The following POM121 variants were observed in gnomAD, a reference collection of about 807,000 sequenced individuals.
POM121 encodes the protein POM121 transmembrane nucleoporin.
Under a neutral mutation model 81.3 loss-of-function variants are expected in POM121, and 32 were observed. That is an observed-to-expected ratio of 0.39 (90% CI 0.30 to 0.53). The LOEUF is 0.53. Among genes scored for constraint, POM121 ranks in the 20% least tolerant of loss-of-function variants. POM121 has a pLI of 0.66. For missense variants in POM121, 1,138 were observed against 1,614.6 expected (o/e 0.70, Z 5.06); for synonymous variants, 514 against 694.2 (o/e 0.74, Z 4.08).
chr7:72,922,912 C>A (rs537368799), upstream of POM121, among the ~76,000 whole-genome samples: 13 of 152,114 alleles, frequency 8.5e-5, no homozygotes, highest in South Asian at 1.9e-3. Context: ...CAGCCACACA[C>A]AATAGTTTAA....
chr7:72,918,003 A>AC (rs1794451427), intron 4 of POM121, among the ~76,000 whole-genome samples: 1 of 152,186 alleles, frequency 6.6e-6, no homozygotes, highest in Non-Finnish European at 1.5e-5. Flanking sequence ...AAAGAGAAAG[A>AC]TAGCTTACGC....
intron 1 of POM121, among the ~76,000 whole-genome samples, chr7:72,890,342 G>C (rs1791181579): frequency 6.6e-6 from 1 of 152,140 alleles, no homozygotes; most frequent in African/African-American, 2.4e-5. Context: ...CTCCTTATTA[G>C]GTTGTCTGCT....
At chr7:72,918,884 A>G (rs1554495503) in intron 4 of POM121, among the ~76,000 whole-genome samples, 1 of 151,690 alleles carries the variant, frequency 6.6e-6, no homozygotes. Flanking sequence ...TGCAACCTCC[A>G]CCTTCCGGGT....
chr7:72,939,747 T>C lies in POM121; in HGVS notation c.1442-100T>C, dbSNP rs1194763193. ...ATAGAAGATTGAATCTTTTCAGAGATACCCATTGAAAACTCAATGTGAAAT... is the reference window on the plus strand; with the variant it reads ...ATAGAAGATTGAATCTTTTCAGAGACACCCATTGAAAACTCAATGTGAAAT... On this transcript the variant is annotated intron_variant, in intron 7 of 12. Coordinates refer to ENST00000434423, the MANE Select transcript of POM121 (RefSeq NM_001387691.1). The C allele has an allele frequency of 2.1e-5, 34 of 1,609,236 alleles. No homozygotes were observed. In the Admixed American group the frequency reaches 4.3e-4, roughly 21 times the overall value.
Position 72,946,187 on chromosome 7 carries a change from G to A in POM121, c.3703G>A (p.Ala1235Thr). 2.5e-6 allele frequency: 4 copies of A among 1,611,788 alleles called. No homozygotes were observed. The highest frequency in any genetic ancestry group is 2.2e-5 in the East Asian group (1 of 44,842). The change falls in exon 13 of 13, where the codon GCT becomes ACT. Residue 1235 changes from alanine (A) to threonine (T), a missense_variant. By Grantham distance (58) the Ala-to-Thr change is moderately conservative. This residue lies in a region of POM121 where 336 missense variants were observed against 344.3 expected (regional missense o/e 0.98). Transcript: ENST00000434423. The part of the protein sequence containing the change: ...SIGAGSKTPG[A>T]RQRLQARRQH... ...TGGTGCGGGATCCAAGACCCCAGGG[G>A]CTCGACAGCGACTGCAGGCCCGAAG...
intron 4 of POM121, among the ~76,000 whole-genome samples, chr7:72,917,343 T>G (rs1293266281): frequency 1.3e-5 from 2 of 152,214 alleles, no homozygotes; most frequent in African/African-American, 4.8e-5. Flanking sequence ...TAGCTGGGCC[T>G]GCACTGACCC....
At chr7:72,938,509 C>G (rs541112093) in intron 5 of POM121, 81 bp from the exon 6 acceptor site, 10 of 1,448,852 alleles carry the variant, frequency 6.9e-6, no homozygotes, top group Admixed American at 3.5e-5. Flanking sequence ...TTTTTTTAGT[C>G]ACTTGAAAAG....
chr7:72,908,446 C>T (rs782521687), intron 3 of POM121, among the ~76,000 whole-genome samples: 4 of 152,224 alleles, frequency 2.6e-5, no homozygotes, highest in African/African-American at 4.8e-5. Context: ...GGAGGCAGGG[C>T]GAGATCACAG....
intron 5 of POM121, among the ~76,000 whole-genome samples, chr7:72,934,388 AGTT>A (rs1471377977): frequency 2.0e-5 from 3 of 152,298 alleles, no homozygotes; most frequent in South Asian, 2.1e-4. Context: ...CCTGGCCCCA[AGTT>A]GTTGTCTTTT....
intron 3 of POM121, among the ~76,000 whole-genome samples, chr7:72,908,400 A>C (rs782098017): frequency 1.3e-5 from 2 of 152,200 alleles, no homozygotes; most frequent in Admixed American, 6.5e-5. Context: ...CAGAAATCAC[A>C]TGCTTCACAA....
At chr7:72,935,835 C>G (rs1250695077) in intron 5 of POM121, among the ~76,000 whole-genome samples, 1 of 152,150 alleles carries the variant, frequency 6.6e-6, no homozygotes, top group East Asian at 1.9e-4. Flanking sequence ...TAAATAGTGC[C>G]TTCAAAATGT....
chr7:72,900,638 G>A (rs1234316962), intron 3 of POM121, among the ~76,000 whole-genome samples: 1 of 151,994 alleles, frequency 6.6e-6, no homozygotes, highest in African/African-American at 2.4e-5. Context: ...GGAGTAGCTA[G>A]GATTACAGGC....
At chr7:72,948,698 A>G (rs782226059), downstream of POM121, 40 of 1,590,380 alleles carry the variant, frequency 2.5e-5, no homozygotes, top group South Asian at 3.9e-4. Context: ...AATTACAGCA[A>G]CGAAGAAGCC....
downstream of POM121, chr7:72,949,104 T>C (rs782450606): frequency 2.5e-6 from 4 of 1,602,172 alleles, no homozygotes; most frequent in Non-Finnish European, 3.4e-6. Flanking sequence ...TCGGCATACC[T>C]AAGGAAAAGC....
intron 4 of POM121, among the ~76,000 whole-genome samples, chr7:72,918,575 A>G (rs1794507514): frequency 1.3e-5 from 2 of 152,130 alleles, no homozygotes; most frequent in South Asian, 4.1e-4. Flanking sequence ...ATATATAATC[A>G]TGTCTGTGCT....
chr7:72,932,033 C>T (rs547664476), intron 5 of POM121, among the ~76,000 whole-genome samples: 4 of 149,000 alleles, frequency 2.7e-5, no homozygotes, highest in Non-Finnish European at 4.4e-5. Context: ...GTTAATTGTC[C>T]TTTGGGTACA....
intron 3 of POM121, among the ~76,000 whole-genome samples, chr7:72,893,374 G>A (rs182278075): frequency 0.013 from 1,915 of 151,974 alleles, 32 homozygotes; most frequent in African/African-American, 0.044. Context: ...ACGAGGTCAG[G>A]AGATCGAGAC....
Position 72,946,312 on chromosome 7 carries a change from C to A in POM121, c.*78C>A. On this transcript the variant is annotated 3_prime_UTR_variant, in exon 13 of 13. Coordinates refer to ENST00000434423, the MANE Select transcript of POM121 (RefSeq NM_001387691.1). ...GCACCTGCTAGGAAGAGCCTTGGAC[C>A]CTTCCAGTTGCGTAAAGCAAACCTA... 1 of 1,563,054 alleles carries A rather than the reference C, an allele frequency of 6.4e-7. No homozygotes were observed. Among genetic ancestry groups the A allele is most frequent in the South Asian group, 1.2e-5 (1 of 85,710 alleles).
In POM121 at chr7:72,943,042, G is replaced by T. The variant is rs71554687; in HGVS notation, c.3049G>T (p.Val1017Phe). The stretch of plus-strand genomic sequence containing the variant: ...ACCTGCACCTCCGTCCATGATCAAG[G>T]TCGTGCCTGCGTACGTGCCTACGCC... ...PTPAPPSMIKVVPAYVPTPIH... is the reference protein window; with the variant it reads ...PTPAPPSMIKFVPAYVPTPIH... Residue 1017 changes from valine to phenylalanine, a missense_variant, in exon 11 of 13, where the codon GTC becomes TTC. Val to Phe is a conservative substitution (Grantham distance 50). Transcript: ENST00000434423. 1.2e-6 allele frequency: 2 copies of T among 1,612,304 alleles called. No homozygotes were observed. The highest frequency in any genetic ancestry group is 2.2e-5 in the East Asian group (1 of 44,814).
Sources: allele counts gnomAD v4.1 joint callset (sites outside exome capture counted in the v4.1 genomes callset), GRCh38; gene constraint gnomAD v4.1.1; regional missense constraint gnomAD v4.1.1; transcripts MANE v1.5; gene names NCBI Gene and HGNC (gene_info 2026-07-23, HGNC 2026-07-21).